TASP1: variants seen among roughly 807,000 people sequenced by gnomAD.
TASP1 encodes threonine aspartase 1.
TASP1 carries 16 observed loss-of-function variants against 56.6 expected under a neutral mutation model. That is an observed-to-expected ratio of 0.28 (90% confidence interval 0.19 to 0.43). TASP1 has a LOEUF of 0.43. Among genes scored for constraint, TASP1 ranks in the 20% least tolerant of loss-of-function variants. The pLI, the probability that TASP1 is intolerant of heterozygous loss-of-function variation, is 1.00. For synonymous variants in TASP1, 179 were observed against 184.2 expected, an observed-to-expected ratio of 0.97 and a Z score of 0.23; for missense variants, 393 against 511.6, an observed-to-expected ratio of 0.77 and a Z score of 2.24.
At chr20:13,617,414 G>T (rs962365238) in intron 4 of TASP1, among the ~76,000 whole-genome samples, 6 of 152,052 alleles carry the variant, frequency 3.9e-5, no homozygotes, top group African/African-American at 1.4e-4. Flanking sequence ...GAGAATAAAA[G>T]ATATTATCAA....
intron 12 of TASP1, among the ~76,000 whole-genome samples, chr20:13,423,743 A>G (rs2042525352): frequency 1.3e-5 from 2 of 152,180 alleles, no homozygotes; most frequent in African/African-American, 4.8e-5. Flanking sequence ...ACCTTCTGAA[A>G]CTTCTGAATT....
intron 13 of TASP1, chr20:13,392,853 C>T: frequency 1.5e-6 from 1 of 668,576 alleles, no homozygotes; most frequent in Non-Finnish European, 2.7e-6. Context: ...ATGGCACCAT[C>T]AAGGCTGAGA....
At chr20:13,294,092 T>C in the TASP1 span, among the ~76,000 whole-genome samples, 1 of 152,220 alleles carries the variant, frequency 6.6e-6, no homozygotes. Context: ...TCGGCCATGA[T>C]GTGGCCGCCA....
intron 6 of TASP1, among the ~76,000 whole-genome samples, chr20:13,575,042 A>G (rs2046847911): frequency 1.3e-5 from 2 of 152,362 alleles, no homozygotes; most frequent in South Asian, 2.1e-4. Flanking sequence ...AGTATCACTC[A>G]TAAACATATA....
the TASP1 span, among the ~76,000 whole-genome samples, chr20:13,150,387 TA>T: frequency 1.6e-4 from 25 of 152,238 alleles, no homozygotes; most frequent in Non-Finnish European, 2.8e-4. Context: ...CAGATGTTTC[TA>T]CACATCTCTG....
chr20:13,164,493 T>C, the TASP1 span: 2 of 539,428 alleles, frequency 3.7e-6, no homozygotes, highest in Non-Finnish European at 7.0e-6. Flanking sequence ...ATGTTTTTAT[T>C]CTTCTCTTCA....
Position 13,454,218 on chromosome 20 carries a change from T to A in TASP1, c.986-19064A>T, listed in dbSNP as rs2043740711. On this transcript the variant is annotated intron_variant, in intron 11 of 13. Transcript: ENST00000337743. ...GCCATCAAAGGGATAAGACAGTGAA[T>A]TTATATCTTCAGAAATAAAATCTTT... Among the ~76,000 whole-genome samples, 3 of 152,264 alleles carry A rather than the reference T, an allele frequency of 2.0e-5. No homozygotes were observed. The South Asian group carries it at 6.2e-4, about 32-fold the overall frequency.
Position 13,552,925 on chromosome 20 carries a change from T to C in TASP1, c.675+6083A>G, listed in dbSNP as rs556320205. Among the ~76,000 whole-genome samples, 7 of 152,338 alleles carry C rather than the reference T, an allele frequency of 4.6e-5. No homozygotes were observed. In the East Asian group the frequency reaches 1.4e-3, roughly 29 times the overall value. On this transcript the variant is annotated intron_variant, in intron 8 of 13. Coordinates refer to ENST00000337743, the MANE Select transcript of TASP1 (RefSeq NM_017714.3). ...TTCTGGGTTTTTCTTTCTGTTTTTC[T>C]TCTTTCCTCTTTTTGAGACAGAGTC...
At chr20:13,404,126 C>T (rs1230807145) in intron 13 of TASP1, among the ~76,000 whole-genome samples, 1 of 152,162 alleles carries the variant, frequency 6.6e-6, no homozygotes, top group African/African-American at 2.4e-5. Flanking sequence ...TTTCTGATTT[C>T]TATCACCATA....
chr20:13,117,603 G>A, the TASP1 span: 80 of 1,614,046 alleles, frequency 5.0e-5, 1 homozygote, highest in African/African-American at 3.6e-4. Context: ...TATTGGGGCC[G>A]TGGGCCCAAC....
At chr20:13,136,280 A>G in the TASP1 span, among the ~76,000 whole-genome samples, 2 of 152,168 alleles carry the variant, frequency 1.3e-5, no homozygotes, top group Non-Finnish European at 2.9e-5. Context: ...CTGGAAAACA[A>G]TAGCTATTTA....
chr20:13,292,328 C>T, the TASP1 span: 2 of 1,279,380 alleles, frequency 1.6e-6, no homozygotes, highest in South Asian at 2.6e-5. Context: ...GGGGAGATAA[C>T]TTTTTCCATG....
Position 13,436,285 on chromosome 20 carries a change from C to A in TASP1, c.986-1131G>T, listed in dbSNP as rs527332134. ...ACAGTGTCCAAAAGAATCCTCTAGACCAGAGGTTGTCCTGCTAAGAATGCC... is the reference window on the plus strand; with the variant it reads ...ACAGTGTCCAAAAGAATCCTCTAGAACAGAGGTTGTCCTGCTAAGAATGCC... On this transcript the variant is annotated intron_variant, in intron 11 of 13. Coordinates refer to ENST00000337743, the MANE Select transcript of TASP1 (RefSeq NM_017714.3). Among the ~76,000 whole-genome samples, 16 of 151,646 alleles carry A rather than the reference C, an allele frequency of 1.1e-4. 1 individual carries two copies. Among genetic ancestry groups the A allele is most frequent in the Admixed American group, 9.2e-4 (14 of 15,230 alleles).
At chr20:13,347,699 G>A in the TASP1 span, among the ~76,000 whole-genome samples, 1 of 152,128 alleles carries the variant, frequency 6.6e-6, no homozygotes, top group Non-Finnish European at 1.5e-5. Context: ...AATTAGCTGG[G>A]TGTTTTGTGG....
chr20:13,325,620 G>A, the TASP1 span, among the ~76,000 whole-genome samples: 5 of 152,162 alleles, frequency 3.3e-5, no homozygotes, highest in African/African-American at 7.2e-5. Flanking sequence ...TTCGGAAGAC[G>A]AAATTCCTTT....
chr20:13,346,827 C>G, the TASP1 span, among the ~76,000 whole-genome samples: 4 of 152,262 alleles, frequency 2.6e-5, no homozygotes, highest in East Asian at 3.9e-4. Flanking sequence ...GGCCCCTTTC[C>G]AGGAGGGCAT....
At chr20:13,380,013 G>C in the TASP1 span, among the ~76,000 whole-genome samples, 1 of 152,090 alleles carries the variant, frequency 6.6e-6, no homozygotes, top group South Asian at 2.1e-4. Flanking sequence ...CATTGGGTTA[G>C]AACATGCTCC....
chr20:13,109,556 T>C, the TASP1 span, among the ~76,000 whole-genome samples: 20 of 152,332 alleles, frequency 1.3e-4, no homozygotes, highest in Admixed American at 8.5e-4. Flanking sequence ...GCTCAATAAC[T>C]GTGAGCTATT....
chr20:13,335,714 A>G, the TASP1 span, among the ~76,000 whole-genome samples: 2 of 152,266 alleles, frequency 1.3e-5, no homozygotes, highest in Admixed American at 1.3e-4. Flanking sequence ...TTGAAAATAA[A>G]AAAATATAAT....
Sources: gnomAD v4.1 joint callset for allele counts (sites outside exome capture counted in the v4.1 genomes callset) on GRCh38, gnomAD v4.1.1 for gene constraint, MANE v1.5 for transcripts, NCBI Gene and HGNC (gene_info 2026-07-23, HGNC 2026-07-21) for gene names.